ADGRB3: variants seen among roughly 807,000 people sequenced by gnomAD.
The protein encoded by ADGRB3 is brain-specific angiogenesis inhibitor 3.
ADGRB3 carries 37 observed loss-of-function variants against 193.4 expected under a neutral mutation model. The observed-to-expected ratio is 0.19, with a 90% CI of 0.15 to 0.25. The LOEUF (loss-of-function observed/expected upper bound fraction) is 0.25. Ranked by LOEUF, ADGRB3 falls within the 10% of genes least tolerant of loss-of-function variation. The pLI, the probability that ADGRB3 is intolerant of heterozygous loss-of-function variation, is 1.00. For synonymous variants in ADGRB3, 690 were observed against 644.2 expected (o/e 1.07, Z -1.08); for missense variants, 1,637 against 1,852.9 (o/e 0.88, Z 2.14).
chr6:68,857,574 G>A (rs1481472108), intron 3 of ADGRB3, among the ~76,000 whole-genome samples: 1 of 152,154 alleles, frequency 6.6e-6, no homozygotes, highest in Non-Finnish European at 1.5e-5. Context: ...GCTGCATTTA[G>A]GCAATGTCTC....
In ADGRB3 at chr6:68,657,191, G is replaced by A. The variant is rs1370536624; in HGVS notation, c.757+17759G>A. On this transcript the variant is annotated intron_variant, in intron 3 of 31. Coordinates refer to ENST00000370598, the MANE Select transcript of ADGRB3 (RefSeq NM_001704.3). ...TGTTTCCTGGGAAAGTCAAGAGTTAGCATTAAAGGAAAATGAGTACAAATG... is the reference window on the plus strand; with the variant it reads ...TGTTTCCTGGGAAAGTCAAGAGTTAACATTAAAGGAAAATGAGTACAAATG... Among the ~76,000 whole-genome samples the A allele has an allele frequency of 2.0e-5, 3 of 151,274 alleles. No homozygotes were observed. The South Asian group carries it at 6.2e-4, about 31-fold the overall frequency.
At chr6:69,148,682 T>G (rs1190350018) in intron 17 of ADGRB3, among the ~76,000 whole-genome samples, 1 of 152,192 alleles carries the variant, frequency 6.6e-6, no homozygotes, top group African/African-American at 2.4e-5. Context: ...TTCTTTTATA[T>G]TACAAAACTC....
At chr6:69,388,337 A>T (rs1311291753) in intron 31 of ADGRB3, among the ~76,000 whole-genome samples, 3 of 152,114 alleles carry the variant, frequency 2.0e-5, no homozygotes, top group Non-Finnish European at 4.4e-5. Context: ...TTCTGTCACA[A>T]TACTTACATT....
chr6:68,858,188 T>C (rs997952283), intron 3 of ADGRB3, among the ~76,000 whole-genome samples: 1 of 152,132 alleles, frequency 6.6e-6, no homozygotes, highest in Non-Finnish European at 1.5e-5. Flanking sequence ...GTCCCAGCTA[T>C]GTGAAAGCTA....
intron 31 of ADGRB3, 34 bp from the exon 32 acceptor site, chr6:69,388,669 C>T (rs1770125716): frequency 8.8e-6 from 14 of 1,586,666 alleles, no homozygotes; most frequent in Admixed American, 1.7e-5. Flanking sequence ...CTGGTCATCA[C>T]ATAAATGACT....
chr6:69,088,193 T>A (rs1369880518), intron 17 of ADGRB3, among the ~76,000 whole-genome samples: 3 of 152,168 alleles, frequency 2.0e-5, no homozygotes, highest in Non-Finnish European at 4.4e-5. Flanking sequence ...GGAATGAAGT[T>A]TTTAATTTTA....
At chr6:69,082,965 G>A (rs1256949975) in intron 17 of ADGRB3, among the ~76,000 whole-genome samples, 4 of 152,160 alleles carry the variant, frequency 2.6e-5, no homozygotes, top group South Asian at 2.1e-4. Flanking sequence ...GATCCCTTAA[G>A]CTAAATAGAG....
At chr6:69,143,424 T>C (rs968582452) in intron 17 of ADGRB3, among the ~76,000 whole-genome samples, 1 of 152,318 alleles carries the variant, frequency 6.6e-6, no homozygotes, top group Non-Finnish European at 1.5e-5. Flanking sequence ...TGGCTGCTTG[T>C]TCTTGTAGAG....
chr6:69,240,343 A>G (rs941128418), intron 20 of ADGRB3, among the ~76,000 whole-genome samples: 1 of 151,850 alleles, frequency 6.6e-6, no homozygotes, highest in African/African-American at 2.4e-5. Context: ...AAAAATGACA[A>G]CCCCATCAAG....
At position 68,783,839 on chromosome 6, in the gene ADGRB3, T is replaced by A. The variant is rs149119418; in HGVS notation, c.757+144407T>A. Among the ~76,000 whole-genome samples the A allele has an allele frequency of 1.9e-3, 287 of 152,138 alleles. 3 individuals carry two copies. Among genetic ancestry groups the A allele is most frequent in the African/African-American group, 6.5e-3 (271 of 41,522 alleles). ...GTTTGTAGAGTGCATGATCATTGTT[T>A]AGGAAACTGGATGAATGCCAGAAGG... On this transcript the variant is annotated intron_variant, in intron 3 of 31. Transcript: ENST00000370598.
intron 22 of ADGRB3, 24 bp downstream of exon 22, chr6:69,327,913 T>C: frequency 6.4e-7 from 1 of 1,571,378 alleles, no homozygotes; most frequent in Non-Finnish European, 8.7e-7. Flanking sequence ...CAGAGATAAA[T>C]CATGTTTATA....
At chr6:68,991,025 A>C (rs1769223071) in intron 10 of ADGRB3, among the ~76,000 whole-genome samples, 1 of 151,954 alleles carries the variant, frequency 6.6e-6, no homozygotes, top group Non-Finnish European at 1.5e-5. Flanking sequence ...CCCTGTGCCT[A>C]ATGTTATTGA....
At chr6:68,906,415 C>T (rs1205563406) in intron 3 of ADGRB3, among the ~76,000 whole-genome samples, 2 of 151,016 alleles carry the variant, frequency 1.3e-5, no homozygotes, top group African/African-American at 4.9e-5. Flanking sequence ...GAAGGTATAC[C>T]ATATATATTG....
At chr6:68,702,435 A>G (rs748403935) in intron 3 of ADGRB3, among the ~76,000 whole-genome samples, 28 of 152,216 alleles carry the variant, frequency 1.8e-4, no homozygotes, top group African/African-American at 6.5e-4. Flanking sequence ...TCCAAACCGT[A>G]TCAGCAGGAT....
intron 17 of ADGRB3, among the ~76,000 whole-genome samples, chr6:69,106,846 A>G (rs1473830511): frequency 6.6e-6 from 1 of 152,194 alleles, no homozygotes; most frequent in Non-Finnish European, 1.5e-5. Context: ...GCAGGATGTA[A>G]ACGTGCTTAG....
At chr6:69,021,940 G>T (rs1028583062) in intron 13 of ADGRB3, among the ~76,000 whole-genome samples, 8 of 151,796 alleles carry the variant, frequency 5.3e-5, no homozygotes, top group Middle Eastern at 3.5e-3. Context: ...TTTCTTAAAA[G>T]ATTTATGATC....
chr6:69,275,076 G>T (rs1767272870), intron 20 of ADGRB3, among the ~76,000 whole-genome samples: 1 of 152,114 alleles, frequency 6.6e-6, no homozygotes, highest in African/African-American at 2.4e-5. Flanking sequence ...GGAGCATTTT[G>T]ATATAGCATG....
At chr6:68,867,540 G>T (rs550362142) in intron 3 of ADGRB3, among the ~76,000 whole-genome samples, 1 of 152,174 alleles carries the variant, frequency 6.6e-6, no homozygotes, top group Admixed American at 6.5e-5. Flanking sequence ...CTGTGGCACT[G>T]CATAGTGGAG....
intron 17 of ADGRB3, among the ~76,000 whole-genome samples, chr6:69,185,718 T>G (rs2150352981): frequency 6.6e-6 from 1 of 152,306 alleles, no homozygotes; most frequent in East Asian, 1.9e-4. Flanking sequence ...CACCTTATCT[T>G]TCAAAGGCAG....
Sources: allele counts gnomAD v4.1 joint callset (sites outside exome capture counted in the v4.1 genomes callset), GRCh38; gene constraint gnomAD v4.1.1; transcripts MANE v1.5; gene names NCBI Gene and HGNC (gene_info 2026-07-23, HGNC 2026-07-21).